The following NPM3 variants were observed in gnomAD, a reference collection of about 807,000 sequenced individuals.
The protein encoded by NPM3 is nucleophosmin/nucleoplasmin 3.
NPM3 carries 12 observed loss-of-function variants against 18.1 expected under a neutral mutation model. That is an observed-to-expected ratio of 0.66 (90% confidence interval 0.42 to 1.07). The LOEUF (loss-of-function observed/expected upper bound fraction) is 1.07. NPM3 is among the 50% of genes least tolerant of loss of function. The pLI is 0.00. For missense variants in NPM3, 274 were observed against 232.1 expected (o/e 1.18, Z -1.17); for synonymous variants, 116 against 93.7 (o/e 1.24, Z -1.38).
Position 101,782,458 on chromosome 10 carries a change from G to A in NPM3, c.324+20C>T, listed in dbSNP as rs371217356. ...TCACCACCACCACCACCACCACCAA[G>A]GCAGAGCTGGGGAACTCACCATGGG... On this transcript the variant is annotated intron_variant, in intron 3 of 5. Coordinates refer to ENST00000370110, the Ensembl canonical transcript of NPM3. 1.2e-5 allele frequency: 19 copies of A among 1,606,066 alleles called. No homozygotes were observed. In the African/African-American group the frequency reaches 1.6e-4, roughly 14 times the overall value.
exon 3 of NPM3, chr10:101,782,484 T>G: frequency 6.2e-7 from 1 of 1,611,506 alleles, no homozygotes; most frequent in African/African-American, 1.3e-5. Context: ...TCACCATGGG[T>G]TGGCAGGACA....
Position 101,782,608 on chromosome 10 carries a change from T to TAC in NPM3, c.205-13_205-12dup. 6.2e-7 allele frequency: 1 copy of TAC among 1,613,482 alleles called. No individual in the cohort carries two copies. Among genetic ancestry groups the TAC allele is most frequent in the Non-Finnish European group, 8.5e-7 (1 of 1,179,964 alleles). On this transcript the variant is annotated splice_polypyrimidine_tract_variant and intron_variant, in intron 2 of 5. Coordinates refer to ENST00000370110, the Ensembl canonical transcript of NPM3. ...CTCGGTGAGGCAGAGCTGGGAACGG[T>TAC]ACACAGGGCCTCAGGGTCTCCTCAA...
At chr10:101,782,582 C>T (rs1486039063) in exon 3 of NPM3, 1 of 1,614,008 alleles carries the variant, frequency 6.2e-7, no homozygotes, top group East Asian at 2.2e-5. Flanking sequence ...TCTTTGGCTC[C>T]CTCGGTGAGG....
At chr10:101,782,705 G>A in intron 2 of NPM3, 108 bp from the exon 3 acceptor site, 1 of 1,585,858 alleles carries the variant, frequency 6.3e-7, no homozygotes, top group Non-Finnish European at 8.6e-7. Context: ...CGGTTCACCT[G>A]GCCAGGGGAG....
exon 4 of NPM3, chr10:101,782,334 G>C: frequency 6.2e-7 from 1 of 1,613,938 alleles, no homozygotes; most frequent in Non-Finnish European, 8.5e-7. Context: ...GTTGGAGCTG[G>C]AAGTCATCCA....
At chr10:101,781,676 C>T in intron 5 of NPM3, 44 bp from the exon 6 acceptor site, 1 of 1,590,522 alleles carries the variant, frequency 6.3e-7, no homozygotes, top group Non-Finnish European at 8.6e-7. Context: ...CCCTCACCTG[C>T]TTCTCCTGCC....
At chr10:101,782,443 C>T in intron 3 of NPM3, 35 bp downstream of exon 3, 1 of 1,602,506 alleles carries the variant, frequency 6.2e-7, no homozygotes, top group Non-Finnish European at 8.5e-7. Flanking sequence ...TCACCACCAC[C>T]ACCACCACCA....
chr10:101,781,825 C>G (rs1390316796), exon 5 of NPM3: 1 of 1,614,154 alleles, frequency 6.2e-7, no homozygotes, highest in Admixed American at 1.7e-5. Flanking sequence ...TCCTCGCTCT[C>G]CTCCTCAGAA....
At chr10:101,781,769 G>A (rs941375531) in exon 5 of NPM3, 8 of 1,614,138 alleles carry the variant, frequency 5.0e-6, no homozygotes, top group Non-Finnish European at 6.8e-6. Flanking sequence ...TGGCAGGAAG[G>A]ATGGGGCACA....
In NPM3 at chr10:101,782,355, G is replaced by C; in HGVS notation, c.325-4C>G. On this transcript the variant is annotated splice_polypyrimidine_tract_variant and splice_region_variant and intron_variant, in intron 3 of 5. Coordinates refer to ENST00000370110, the Ensembl canonical transcript of NPM3. Reference sequence around the variant, plus strand: ...GCTGGAAGTCATCCAGACTGAGCTGGGAGGAAGACAAGGATGAAGGCCTGG... The same window carrying C: ...GCTGGAAGTCATCCAGACTGAGCTGCGAGGAAGACAAGGATGAAGGCCTGG... The C allele has an allele frequency of 6.2e-7, 1 of 1,613,610 alleles. No individual in the cohort carries two copies. The highest frequency in any genetic ancestry group is 8.5e-7 in the Non-Finnish European group (1 of 1,179,808).
chr10:101,782,192 G>A (rs2065146254), intron 4 of NPM3, 66 bp downstream of exon 4: 5 of 1,387,722 alleles, frequency 3.6e-6, no homozygotes, highest in South Asian at 2.4e-5. Flanking sequence ...GCAGGAGTGC[G>A]GAGTGGGGGA....
At chr10:101,782,075 G>C (rs531868827) in intron 4 of NPM3, among the ~76,000 whole-genome samples, 183 bp downstream of exon 4, 4 of 152,178 alleles carry the variant, frequency 2.6e-5, no homozygotes, top group Non-Finnish European at 5.9e-5. Context: ...CCATGGAGGA[G>C]GTAGGCTTGA....
In NPM3 at chr10:101,781,865, C is replaced by A. The variant is rs753310935; in HGVS notation, c.419-11G>T. Reference sequence around the variant, plus strand: ...CATTGCTCATCGTAACTGGTGGACACACAAGCAGTAGAAGGATGGGGTGTT... The same window carrying A: ...CATTGCTCATCGTAACTGGTGGACAAACAAGCAGTAGAAGGATGGGGTGTT... On this transcript the variant is annotated splice_polypyrimidine_tract_variant and intron_variant, in intron 4 of 5. Transcript: ENST00000370110. 4.8e-5 allele frequency: 77 copies of A among 1,614,068 alleles called. No homozygotes were observed. Among genetic ancestry groups the A allele is most frequent in the Non-Finnish European group, 6.3e-5 (74 of 1,180,052 alleles).
chr10:101,783,200 C>T lies in NPM3; in HGVS notation c.118+73G>A. The T allele has an allele frequency of 6.8e-6, 8 of 1,184,100 alleles. No individual in the cohort carries two copies. The South Asian group carries it at 1.1e-4, about 17-fold the overall frequency. 73.3% of individuals were successfully genotyped at this position (1,184,100 alleles called of 1,614,324 possible). ...CCGCCCACACCCACGCCTTGAAACC[C>T]TCCGCATTCCCGCCTCACATCCCTA... is the stretch of plus-strand genomic sequence containing the variant. On this transcript the variant is annotated intron_variant, in intron 1 of 5. Transcript: ENST00000370110.
chr10:101,781,531 C>CCA, exon 6 of NPM3: 2 of 298,810 alleles, frequency 6.7e-6, no homozygotes, highest in South Asian at 3.2e-5. Context: ...CCCTCCCACC[C>CCA]AACCCCCACC....
chr10:101,783,378 T>A (rs777164284), exon 1 of NPM3: 1 of 1,608,300 alleles, frequency 6.2e-7, no homozygotes, highest in Non-Finnish European at 8.5e-7. Flanking sequence ...GCAGCTGCAG[T>A]ACCGGCGGCC....
In NPM3 at chr10:101,782,952, G is replaced by C. The variant is rs1170925071; in HGVS notation, c.119-28C>G. On this transcript the variant is annotated intron_variant, in intron 1 of 5. Transcript: ENST00000370110. ...GGTAGAAATAACAGTGAGTATGCCT[G>C]AGCGTGTGTACGGGGCTGGGCAGCG... 1.9e-6 allele frequency: 3 copies of C among 1,607,614 alleles called. No individual in the cohort carries two copies. In the African/African-American group the frequency reaches 4.0e-5, roughly 21 times the overall value.
At chr10:101,781,916 G>A (rs2065144225) in intron 4 of NPM3, 62 bp from the exon 5 acceptor site, 21 of 1,613,672 alleles carry the variant, frequency 1.3e-5, no homozygotes, top group Non-Finnish European at 1.4e-5. Flanking sequence ...CACACCGCAT[G>A]CCATTTCTTC....
chr10:101,782,396 C>T lies in NPM3; in HGVS notation c.325-45G>A, dbSNP rs770862525. On this transcript the variant is annotated intron_variant, in intron 3 of 5. Transcript: ENST00000370110. ...GAAGGCCTGGCCCACTCCTAGCCCA[C>T]CCCACACTGTAATGAGTGCTAACGT... 78 of 1,606,414 alleles carry T rather than the reference C, an allele frequency of 4.9e-5. No individual in the cohort carries two copies. In the East Asian group the frequency reaches 1.6e-3, roughly 33 times the overall value.
Sources: gnomAD v4.1 joint callset for allele counts (sites outside exome capture counted in the v4.1 genomes callset) on GRCh38, gnomAD v4.1.1 for gene constraint, MANE v1.5 for transcripts, NCBI Gene and HGNC (gene_info 2026-07-23, HGNC 2026-07-21) for gene names.